The following CSMD1 variants were observed in gnomAD, a reference collection of about 807,000 sequenced individuals.
CSMD1 encodes the protein CUB and Sushi multiple domains 1, also known as CUB and sushi domain-containing protein 1.
CSMD1 carries 213 observed loss-of-function variants against 417.5 expected under a neutral mutation model. That is an observed-to-expected ratio of 0.51 (90% CI 0.46 to 0.57). CSMD1 has a LOEUF of 0.57. Among genes scored for constraint, CSMD1 ranks in the 20% least tolerant of loss-of-function variants. The pLI is 0.00. For missense variants in CSMD1, 6,923 were observed against 4,529.7 expected (o/e 1.53, Z -15.17); for synonymous variants, 2,862 against 1,736.8 (o/e 1.65, Z -16.11).
rs1461669689 is a variant in CSMD1, at chr8:4,614,995, C to T, written c.302+22347G>A. ...GTATTTGTAGTACAAAGTAATTTTC[C>T]CTGAAATCAGAATTGGTGGACGCTA... On this transcript the variant is annotated intron_variant, in intron 2 of 69. Coordinates refer to ENST00000635120, the MANE Select transcript of CSMD1 (RefSeq NM_033225.6). 4.0e-5 allele frequency among the ~76,000 whole-genome samples: 6 copies of T among 151,836 alleles called. No individual in the cohort carries two copies. The East Asian group carries it at 1.2e-3, about 29-fold the overall frequency.
chr8:4,041,233 G>T (rs1412965369), intron 3 of CSMD1, among the ~76,000 whole-genome samples: 5 of 151,938 alleles, frequency 3.3e-5, no homozygotes, highest in Non-Finnish European at 7.4e-5. Flanking sequence ...TAGCCAGGAT[G>T]GTCACGATCT....
Position 3,414,212 on chromosome 8 carries a change from C to CAAAAAAAAAAAAAAAAAAAAAAAAAA in CSMD1, c.1562-4633_1562-4608dup, listed in dbSNP as rs1161625328. ...AATTCAAAGACTGATGCACCTAAAG[C>CAAAAAAAAAAAAAAAAAAAAAAAAAA]AAAAAAAAAAAAAAAAAAAAAAAAA... On this transcript the variant is annotated intron_variant, in intron 12 of 69. Transcript: ENST00000635120. 6.0e-5 allele frequency among the ~76,000 whole-genome samples: 3 copies of CAAAAAAAAAAAAAAAAAAAAAAAAAA among 49,738 alleles called. 1 individual carries two copies. The highest frequency in any genetic ancestry group is 7.6e-5 in the African/African-American group (1 of 13,142). 32.6% of individuals were successfully genotyped at this position (49,738 alleles called of 152,430 possible). A position where few individuals can be genotyped will look rare whatever the true frequency, so the allele number is the denominator to read the frequency against.
intron 2 of CSMD1, among the ~76,000 whole-genome samples, chr8:4,544,940 A>T (rs1234735031): frequency 6.6e-6 from 1 of 152,244 alleles, no homozygotes; most frequent in East Asian, 1.9e-4. Flanking sequence ...TATATTTGAG[A>T]AGTTTAAAAA....
At chr8:4,341,700 T>C (rs1191562042) in intron 3 of CSMD1, among the ~76,000 whole-genome samples, 26 of 152,136 alleles carry the variant, frequency 1.7e-4, no homozygotes, top group Admixed American at 1.7e-3. Flanking sequence ...AATGGAAACC[T>C]AAGATTAGTC....
chr8:3,382,537 ATTT>A (rs1302681009), intron 18 of CSMD1, among the ~76,000 whole-genome samples: 3 of 116,556 alleles, frequency 2.6e-5, no homozygotes, highest in East Asian at 4.2e-4. Context: ...ATAAATATAT[ATTT>A]ATTATTAGCA....
At chr8:4,160,801 G>A (rs1216676560) in intron 3 of CSMD1, among the ~76,000 whole-genome samples, 2 of 152,218 alleles carry the variant, frequency 1.3e-5, no homozygotes, top group African/African-American at 2.4e-5. Flanking sequence ...TGAAGGTGGT[G>A]TACTGTAAAT....
At chr8:4,695,591 T>TC (rs951924641) in intron 1 of CSMD1, among the ~76,000 whole-genome samples, 1 of 151,596 alleles carries the variant, frequency 6.6e-6, no homozygotes, top group Non-Finnish European at 1.5e-5. Context: ...CTGTCCCCTA[T>TC]CCCCCCCACC....
intron 5 of CSMD1, among the ~76,000 whole-genome samples, chr8:3,929,013 G>A (rs990738538): frequency 6.6e-6 from 1 of 150,396 alleles, no homozygotes; most frequent in Non-Finnish European, 1.5e-5. Flanking sequence ...CCGATTTTTG[G>A]TTTCCCTGTA....
intron 55 of CSMD1, among the ~76,000 whole-genome samples, chr8:2,975,511 C>T (rs961564844): frequency 8.5e-5 from 13 of 152,120 alleles, no homozygotes; most frequent in Non-Finnish European, 1.9e-4. Flanking sequence ...TAGATTTGAA[C>T]GCCTGGAAGC....
chr8:4,876,911 T>G (rs780355474), intron 1 of CSMD1, among the ~76,000 whole-genome samples: 1 of 152,102 alleles, frequency 6.6e-6, no homozygotes, highest in Admixed American at 6.6e-5. Context: ...TCAAGGAGAT[T>G]AGCTTTCTCC....
chr8:3,114,054 AAAAC>A (rs139727872), intron 42 of CSMD1, among the ~76,000 whole-genome samples: 50,073 of 150,574 alleles, frequency 0.33, 9,207 homozygotes, highest in Non-Finnish European at 0.41. Flanking sequence ...CCCATCTATT[AAAAC>A]AAACAAACAA....
chr8:3,175,345 AC>A lies in CSMD1; in HGVS notation c.5725+5764del, dbSNP rs369293185. Among the ~76,000 whole-genome samples the A allele has an allele frequency of 3.1e-3, 469 of 152,170 alleles. 4 individuals carry two copies. Among genetic ancestry groups the A allele is most frequent in the Middle Eastern group, 0.017 (5 of 294 alleles). Reference sequence around the variant, plus strand: ...CCACAAATCACTGATTCAACCTCCTACGTTATTCAGAATATATTGTAAATGT... The same window carrying A: ...CCACAAATCACTGATTCAACCTCCTAGTTATTCAGAATATATTGTAAATGT... On this transcript the variant is annotated intron_variant, in intron 37 of 69. Transcript: ENST00000635120.
chr8:3,793,048 A>G (rs1051942428), intron 5 of CSMD1, among the ~76,000 whole-genome samples: 4 of 152,194 alleles, frequency 2.6e-5, no homozygotes, highest in Admixed American at 2.6e-4. Context: ...AGTGCTAAGA[A>G]TGGAGTAAAA....
At chr8:4,787,893 T>G in intron 1 of CSMD1, 1 of 1,581,566 alleles carries the variant, frequency 6.3e-7, no homozygotes, top group Non-Finnish European at 8.6e-7. Context: ...AGATTGAATT[T>G]GGTGTTGATG....
intron 3 of CSMD1, among the ~76,000 whole-genome samples, chr8:4,144,600 A>C (rs1449805064): frequency 6.6e-6 from 1 of 150,938 alleles, no homozygotes; most frequent in Non-Finnish European, 1.5e-5. Context: ...GTCATAAAAG[A>C]GGTGAAGACA....
intron 4 of CSMD1, among the ~76,000 whole-genome samples, chr8:4,007,245 CAT>C (rs1284393257): frequency 6.6e-6 from 1 of 152,164 alleles, no homozygotes; most frequent in Non-Finnish European, 1.5e-5. Flanking sequence ...AATCACCACT[CAT>C]AATAAAACCA....
chr8:4,912,397 G>T (rs1166908549), intron 1 of CSMD1, among the ~76,000 whole-genome samples: 1 of 151,532 alleles, frequency 6.6e-6, no homozygotes, highest in East Asian at 1.9e-4. Context: ...AAAACTTGCT[G>T]TGGGGTTGTC....
At chr8:4,248,602 T>C (rs976832551) in intron 3 of CSMD1, among the ~76,000 whole-genome samples, 2 of 152,222 alleles carry the variant, frequency 1.3e-5, no homozygotes, top group Non-Finnish European at 2.9e-5. Context: ...TGTTCAAATA[T>C]GAACTTCTCG....
intron 33 of CSMD1, among the ~76,000 whole-genome samples, chr8:3,194,459 T>TTTC (rs1796591891): frequency 1.6e-5 from 2 of 122,872 alleles, no homozygotes; most frequent in Admixed American, 1.6e-4. Flanking sequence ...TATTTTATTT[T>TTTC]ATTTCATTTC....
Sources: allele counts gnomAD v4.1 joint callset (sites outside exome capture counted in the v4.1 genomes callset), GRCh38; gene constraint gnomAD v4.1.1; transcripts MANE v1.5; gene names NCBI Gene and HGNC (gene_info 2026-07-23, HGNC 2026-07-21).